Variants in ADAMTS9 observed in about 807,000 individuals in gnomAD.
ADAMTS9 encodes ADAM metallopeptidase with thrombospondin type 1 motif 9, also known as A disintegrin and metalloproteinase with thrombospondin motifs 9.
In ADAMTS9, 107 loss-of-function variants were observed where a neutral mutation model predicts 257.1. That is an observed-to-expected ratio of 0.42 (90% confidence interval 0.36 to 0.49). ADAMTS9 has a LOEUF of 0.49. ADAMTS9 is among the 20% of genes least tolerant of loss of function. The pLI is 0.03. For missense variants in ADAMTS9, 2,353 were observed against 2,469.1 expected, an observed-to-expected ratio of 0.95 and a Z score of 1.00; for synonymous variants, 982 against 880.9, an observed-to-expected ratio of 1.11 and a Z score of -2.03.
intron 20 of ADAMTS9, 23 bp from the exon 21 acceptor site, chr3:64,615,508 TAAAA>T: frequency 1.3e-6 from 2 of 1,586,154 alleles, no homozygotes; most frequent in Non-Finnish European, 1.7e-6. Flanking sequence ...AATAAATAAA[TAAAA>T]CTGTTGCTAA....
chr3:64,605,804 T>G (rs2084547172), intron 23 of ADAMTS9, among the ~76,000 whole-genome samples: 1 of 152,222 alleles, frequency 6.6e-6, no homozygotes, highest in African/African-American at 2.4e-5. Flanking sequence ...TGCATGTACA[T>G]ACACATACAT....
At chr3:64,657,246 T>C (rs949915068) in intron 4 of ADAMTS9, among the ~76,000 whole-genome samples, 1 of 152,184 alleles carries the variant, frequency 6.6e-6, no homozygotes, top group Non-Finnish European at 1.5e-5. Context: ...TTTTGAAGCC[T>C]TAGTATAAAA....
At chr3:64,630,190 A>G (rs1175775875) in intron 16 of ADAMTS9, among the ~76,000 whole-genome samples, 2 of 152,010 alleles carry the variant, frequency 1.3e-5, no homozygotes, top group Non-Finnish European at 2.9e-5. Flanking sequence ...TCATGACTCT[A>G]CTCTCCATGT....
intron 16 of ADAMTS9, 31 bp from the exon 17 acceptor site, chr3:64,622,617 A>ACAGCAGATCAATGTAT: frequency 6.2e-7 from 1 of 1,608,818 alleles, no homozygotes; most frequent in Non-Finnish European, 8.5e-7. Context: ...TAATACATTG[A>ACAGCAGATCAATGTAT]TCTGCTGTCA....
At chr3:64,654,643 A>G (rs779998470) in intron 6 of ADAMTS9, 31 bp from the exon 7 acceptor site, 27 of 1,610,666 alleles carry the variant, frequency 1.7e-5, no homozygotes, top group Non-Finnish European at 2.0e-5. Flanking sequence ...GGCCTTGATG[A>G]CATCAAAGAG....
intron 12 of ADAMTS9, among the ~76,000 whole-genome samples, chr3:64,634,128 CT>C (rs1405222974): frequency 6.6e-6 from 1 of 152,034 alleles, no homozygotes; most frequent in East Asian, 1.9e-4. Flanking sequence ...ATGTAGCTAT[CT>C]TGTAGGCTGT....
intron 22 of ADAMTS9, 70 bp from the exon 23 acceptor site, chr3:64,607,149 A>G (rs2084570433): frequency 1.3e-5 from 20 of 1,580,236 alleles, no homozygotes; most frequent in Non-Finnish European, 1.7e-5. Flanking sequence ...TCCCCATAAC[A>G]TTCTGCAAGA....
intron 18 of ADAMTS9, 54 bp downstream of exon 18, chr3:64,622,144 A>T: frequency 1.3e-6 from 2 of 1,532,806 alleles, no homozygotes; most frequent in Non-Finnish European, 1.8e-6. Context: ...AAAAATAAAT[A>T]AATAAATAAA....
intron 25 of ADAMTS9, 84 bp from the exon 26 acceptor site, chr3:64,602,297 C>A: frequency 1.3e-6 from 2 of 1,509,824 alleles, no homozygotes; most frequent in Admixed American, 3.6e-5. Flanking sequence ...CTGTAAATGG[C>A]CCACCACTTT....
intron 8 of ADAMTS9, 78 bp downstream of exon 8, chr3:64,654,275 A>G: frequency 7.1e-7 from 1 of 1,405,146 alleles, no homozygotes; most frequent in Non-Finnish European, 9.9e-7. Flanking sequence ...TCGAAAGTCA[A>G]GTAAATGCTC....
chr3:64,679,992 G>A (rs4408864), intron 3 of ADAMTS9, among the ~76,000 whole-genome samples: 15,077 of 152,168 alleles, frequency 0.099, 1,218 homozygotes, highest in African/African-American at 0.21. Context: ...ATTCCATCTT[G>A]TTATGGTGGT....
Position 64,622,269 on chromosome 3 carries a change from A to T in ADAMTS9, c.2615T>A (p.Ile872Asn). 6.2e-7 allele frequency: 1 copy of T among 1,613,980 alleles called. No homozygotes were observed. The highest frequency in any genetic ancestry group is 1.1e-5 in the South Asian group (1 of 91,080). The change falls in exon 18 of 40, where the codon ATT (isoleucine) becomes AAT (asparagine). Residue 872 changes from isoleucine to asparagine, a missense_variant. Coordinates refer to ENST00000498707, the MANE Select transcript of ADAMTS9 (RefSeq NM_182920.2). ...PDVRYSFNIP[I>N]EDKPQQFYWN... is the part of the protein sequence containing the mutation. ...GTAAAACTGCTGAGGTTTATCTTCAATTGGAATATTGAAAGAATAGCGTAC... is the reference window on the plus strand; with the variant it reads ...GTAAAACTGCTGAGGTTTATCTTCATTTGGAATATTGAAAGAATAGCGTAC...
intron 19 of ADAMTS9, among the ~76,000 whole-genome samples, chr3:64,618,534 G>A (rs1225979460): frequency 6.6e-6 from 1 of 152,158 alleles, no homozygotes; most frequent in African/African-American, 2.4e-5. Flanking sequence ...AGACCTGGAT[G>A]TGAGTGTCAA....
chr3:64,623,746 C>T (rs1047286117), intron 16 of ADAMTS9, among the ~76,000 whole-genome samples: 3 of 152,186 alleles, frequency 2.0e-5, no homozygotes, highest in Non-Finnish European at 4.4e-5. Flanking sequence ...TATACTCTCT[C>T]TTTCCAAACA....
At chr3:64,534,776 TG>T (rs11300074) in intron 37 of ADAMTS9, among the ~76,000 whole-genome samples, 144,999 of 151,960 alleles carry the variant, frequency 0.95, 69,268 homozygotes, top group East Asian at 1. Flanking sequence ...GTCACAACTG[TG>T]GGGGGGCAGG....
intron 10 of ADAMTS9, among the ~76,000 whole-genome samples, chr3:64,648,588 A>C (rs1017585542): frequency 6.6e-6 from 1 of 152,246 alleles, no homozygotes; most frequent in Non-Finnish European, 1.5e-5. Flanking sequence ...TTATTAAAAT[A>C]AACCACACTT....
intron 28 of ADAMTS9, among the ~76,000 whole-genome samples, chr3:64,586,552 T>C (rs773429975): frequency 9.2e-5 from 14 of 152,094 alleles, no homozygotes; most frequent in Non-Finnish European, 1.9e-4. Flanking sequence ...ATTCAGGATG[T>C]TGCCCTAAAC....
intron 3 of ADAMTS9, among the ~76,000 whole-genome samples, chr3:64,667,705 T>C (rs1266569983): frequency 1.3e-5 from 2 of 152,154 alleles, no homozygotes; most frequent in East Asian, 1.9e-4. Context: ...TTCAACTAAG[T>C]GTGATAACAA....
chr3:64,657,696 T>G (rs1038614203), intron 4 of ADAMTS9, among the ~76,000 whole-genome samples: 16 of 151,984 alleles, frequency 1.1e-4, no homozygotes, highest in African/African-American at 3.4e-4. Context: ...ATTAGGAATT[T>G]TTTTTAATTT....
Sources: allele counts gnomAD v4.1 joint callset (sites outside exome capture counted in the v4.1 genomes callset), GRCh38; gene constraint gnomAD v4.1.1; transcripts MANE v1.5; gene names NCBI Gene and HGNC (gene_info 2026-07-23, HGNC 2026-07-21).